Variants in UST observed in about 807,000 individuals in gnomAD.
UST encodes chondroitin sulfate 2-O-sulfotransferase.
UST carries 21 observed loss-of-function variants against 45.6 expected under a neutral mutation model. The observed-to-expected ratio is 0.46, with a 90% confidence interval of 0.33 to 0.66. The LOEUF is 0.66. UST is among the 30% of genes least tolerant of loss of function. UST has a pLI of 0.02. For synonymous variants in UST, 215 were observed against 200.6 expected, an observed-to-expected ratio of 1.07 and a Z score of -0.61; for missense variants, 463 against 512.4, an observed-to-expected ratio of 0.90 and a Z score of 0.93.
At chr6:148,940,709 C>T (rs1424763412) in intron 2 of UST, among the ~76,000 whole-genome samples, 1 of 152,132 alleles carries the variant, frequency 6.6e-6, no homozygotes, top group African/African-American at 2.4e-5. Flanking sequence ...TTTATTATAC[C>T]CATCCTCATG....
At chr6:149,032,743 C>T (rs932245041) in intron 7 of UST, among the ~76,000 whole-genome samples, 5 of 152,182 alleles carry the variant, frequency 3.3e-5, no homozygotes, top group African/African-American at 1.2e-4. Flanking sequence ...AGATGCCCCC[C>T]TCTGTGTCTA....
chr6:148,797,987 C>A (rs1307458669), intron 1 of UST, among the ~76,000 whole-genome samples: 1 of 152,078 alleles, frequency 6.6e-6, no homozygotes, highest in Admixed American at 6.5e-5. Context: ...TAATGGATGG[C>A]AAACCATTTG....
At position 148,777,548 on chromosome 6, in the gene UST, A is replaced by G. The variant is rs556709639; in HGVS notation, c.247+29871A>G. 9.2e-5 allele frequency among the ~76,000 whole-genome samples: 14 copies of G among 152,098 alleles called. No individual in the cohort carries two copies. In the South Asian group the frequency reaches 1.5e-3, roughly 16 times the overall value. On this transcript the variant is annotated intron_variant, in intron 1 of 7. Coordinates refer to ENST00000367463, the MANE Select transcript of UST (RefSeq NM_005715.3). The stretch of plus-strand genomic sequence containing the variant: ...ATTTTTACTGTACCTTTCCATGTTA[A>G]TTTTTTTGTTTTTTGAGACGGAGTC...
chr6:148,918,175 A>T (rs111372144), intron 2 of UST, among the ~76,000 whole-genome samples: 2 of 152,170 alleles, frequency 1.3e-5, no homozygotes, highest in African/African-American at 4.8e-5. Context: ...TGAATTGAAT[A>T]CTAACCTGGA....
At chr6:148,965,876 C>CT (rs56202168) in intron 5 of UST, among the ~76,000 whole-genome samples, 1,342 of 126,178 alleles carry the variant, frequency 0.011, 17 homozygotes, top group South Asian at 0.06. Flanking sequence ...TGGCTTTTCC[C>CT]TTTTTTTTTT....
intron 7 of UST, among the ~76,000 whole-genome samples, chr6:149,060,029 T>C (rs1030981076): frequency 6.6e-6 from 1 of 152,132 alleles, no homozygotes; most frequent in African/African-American, 2.4e-5. Flanking sequence ...GTTCCCTGCT[T>C]CCAAAAATCC....
chr6:148,771,626 A>G (rs1776428220), intron 1 of UST, among the ~76,000 whole-genome samples: 1 of 152,228 alleles, frequency 6.6e-6, no homozygotes. Flanking sequence ...TGAGTCGACT[A>G]TTAGAATTTA....
chr6:148,998,728 G>A (rs1781494895), intron 5 of UST, among the ~76,000 whole-genome samples: 1 of 152,206 alleles, frequency 6.6e-6, no homozygotes, highest in Admixed American at 6.5e-5. Flanking sequence ...ATCTCAAGAT[G>A]AGTCAATATT....
Position 148,907,034 on chromosome 6 carries a change from G to C in UST, c.291+20005G>C, listed in dbSNP as rs369669447. On this transcript the variant is annotated intron_variant, in intron 2 of 7. Coordinates refer to ENST00000367463, the MANE Select transcript of UST (RefSeq NM_005715.3). ...ATTCTAAACTGGTTAACCACAGATG[G>C]GATTAAAGCAAAAATTATGAATATA... Among the ~76,000 whole-genome samples, 20 of 151,990 alleles carry C rather than the reference G, an allele frequency of 1.3e-4. No homozygotes were observed. In the East Asian group the frequency reaches 2.9e-3, roughly 22 times the overall value.
intron 1 of UST, among the ~76,000 whole-genome samples, chr6:148,749,540 A>G (rs958486049): frequency 6.6e-6 from 1 of 152,074 alleles, no homozygotes; most frequent in Non-Finnish European, 1.5e-5. Flanking sequence ...TGGCAGAATT[A>G]GAAGCCACAC....
chr6:149,076,030 G>A lies in UST; in HGVS notation c.*1914G>A, dbSNP rs1253507597. ...CTGCAGCCCACAGGAGTCCAGGGAA[G>A]GCGGGGACCACAGAGGCACAGAGTC... On this transcript the variant is annotated 3_prime_UTR_variant, in exon 8 of 8. Coordinates refer to ENST00000367463, the MANE Select transcript of UST (RefSeq NM_005715.3). 1.3e-5 allele frequency: 2 copies of A among 152,718 alleles called. No individual in the cohort carries two copies. Among genetic ancestry groups the A allele is most frequent in the African/African-American group, 4.8e-5 (2 of 41,450 alleles). The allele number at this position is 152,718 out of a possible 1,614,324, so 9.5% of individuals were successfully genotyped here.
At chr6:148,777,725 T>C (rs1487653380) in intron 1 of UST, among the ~76,000 whole-genome samples, 2 of 152,092 alleles carry the variant, frequency 1.3e-5, no homozygotes, top group Non-Finnish European at 2.9e-5. Flanking sequence ...TTGTACCTTT[T>C]AAATAGAGAT....
chr6:148,895,215 A>G (rs972559112), intron 2 of UST, among the ~76,000 whole-genome samples: 4 of 152,106 alleles, frequency 2.6e-5, no homozygotes, highest in Non-Finnish European at 1.5e-5. Flanking sequence ...TCATGTTTTT[A>G]GCTGTGTTAT....
At chr6:148,969,953 T>C (rs986118550) in intron 5 of UST, among the ~76,000 whole-genome samples, 2 of 152,240 alleles carry the variant, frequency 1.3e-5, no homozygotes, top group East Asian at 1.9e-4. Context: ...GAAAGTCATA[T>C]ACACGCGCAC....
chr6:149,066,532 A>C (rs1178010246), intron 7 of UST, among the ~76,000 whole-genome samples: 1 of 152,104 alleles, frequency 6.6e-6, no homozygotes, highest in Non-Finnish European at 1.5e-5. Flanking sequence ...TTAATGCAAA[A>C]CTAGAGCTTG....
chr6:149,069,578 T>G (rs189964748), intron 7 of UST, among the ~76,000 whole-genome samples: 108 of 152,324 alleles, frequency 7.1e-4, no homozygotes, highest in Non-Finnish European at 1.0e-3. Flanking sequence ...ATGTCACTTT[T>G]GACAGAGTTA....
intron 7 of UST, among the ~76,000 whole-genome samples, chr6:149,064,032 G>A (rs6931675): frequency 0.66 from 99,596 of 152,042 alleles, 33,572 homozygotes; most frequent in African/African-American, 0.82. Flanking sequence ...TCATGATCTT[G>A]TAGTAAGTAT....
chr6:149,037,229 T>G (rs1227607298), intron 7 of UST, among the ~76,000 whole-genome samples: 1 of 152,166 alleles, frequency 6.6e-6, no homozygotes. Flanking sequence ...AAATGTTTCA[T>G]GACGAATGCA....
At chr6:149,029,284 C>G (rs1304401703) in intron 7 of UST, among the ~76,000 whole-genome samples, 1 of 148,600 alleles carries the variant, frequency 6.7e-6, no homozygotes, top group Non-Finnish European at 1.5e-5. Flanking sequence ...AAAGTATATA[C>G]ATGTATATCT....
Sources: gnomAD v4.1 joint callset for allele counts (sites outside exome capture counted in the v4.1 genomes callset) on GRCh38, gnomAD v4.1.1 for gene constraint, MANE v1.5 for transcripts, NCBI Gene and HGNC (gene_info 2026-07-23, HGNC 2026-07-21) for gene names.